Variants in ITPK1 observed in about 807,000 individuals in gnomAD.
ITPK1 encodes inositol 1,3,4-trisphosphate 5/6-kinase.
A neutral mutation model predicts 45.3 loss-of-function variants in ITPK1; 21 were observed. The ratio of observed to expected loss-of-function variants is 0.46; its 90% CI spans 0.33 to 0.67. ITPK1 has a LOEUF of 0.67. Among genes scored for constraint, ITPK1 ranks in the 30% least tolerant of loss-of-function variants. ITPK1 has a pLI of 0.02. For synonymous variants in ITPK1, 258 were observed against 253.6 expected, an observed-to-expected ratio of 1.02 and a Z score of -0.16; for missense variants, 474 against 573.5, an observed-to-expected ratio of 0.83 and a Z score of 1.77.
chr14:93,004,136 C>T (rs1187168353), intron 4 of ITPK1, among the ~76,000 whole-genome samples: 1 of 152,188 alleles, frequency 6.6e-6, no homozygotes, highest in Non-Finnish European at 1.5e-5. Flanking sequence ...GCACGCATCC[C>T]AGTCGCCTGC....
At position 92,941,646 on chromosome 14, in the gene ITPK1, TGGTGCGGCAGCTTGGC is replaced by T; in HGVS notation, c.1144_1159del (p.Ala382ArgfsTer71). 6.5e-7 allele frequency: 1 copy of T among 1,540,688 alleles called. No homozygotes were observed. On this transcript the variant is annotated frameshift_variant, in exon 11 of 11. Transcript: ENST00000267615. LOFTEE classifies it high-confidence loss of function. ...CACGCCGGCGTTGCAGCCGAGTCTCTGGTGCGGCAGCTTGGCGGTGCCGCCCGCGTCGGCCTCAGCC... is the reference window on the plus strand; with the variant it reads ...CACGCCGGCGTTGCAGCCGAGTCTCTGGTGCCGCCCGCGTCGGCCTCAGCC...
rs528150211 is a variant in ITPK1, at chr14:93,006,715, C to A, written c.246+9961G>T. 3.9e-5 allele frequency among the ~76,000 whole-genome samples: 6 copies of A among 152,312 alleles called. No homozygotes were observed. The South Asian group carries it at 1.2e-3, about 32-fold the overall frequency. On this transcript the variant is annotated intron_variant, in intron 4 of 10. Coordinates refer to ENST00000267615, the MANE Select transcript of ITPK1 (RefSeq NM_014216.6). The stretch of plus-strand genomic sequence containing the variant: ...GGGGAAACTGTTGTTCAAGAGCCAG[C>A]AGGAAGACCCATGCAAAACAATGGT...
At chr14:93,092,665 A>C (rs1566781795) in intron 2 of ITPK1, among the ~76,000 whole-genome samples, 1 of 152,366 alleles carries the variant, frequency 6.6e-6, no homozygotes, top group Admixed American at 6.5e-5. Flanking sequence ...GGCATCCAGT[A>C]GGTGGAGGCC....
intron 2 of ITPK1, among the ~76,000 whole-genome samples, chr14:93,112,660 G>T (rs968670318): frequency 1.3e-5 from 2 of 151,940 alleles, no homozygotes; most frequent in Non-Finnish European, 2.9e-5. Context: ...GGATGGTCTC[G>T]ATCTCCTGAC....
At chr14:93,007,573 C>T (rs1253386190) in intron 4 of ITPK1, among the ~76,000 whole-genome samples, 1 of 152,146 alleles carries the variant, frequency 6.6e-6, no homozygotes, top group Admixed American at 6.5e-5. Flanking sequence ...TGACCTAGGC[C>T]AACTGGGTCA....
intron 5 of ITPK1, among the ~76,000 whole-genome samples, chr14:92,989,952 G>A (rs1290040862): frequency 2.0e-5 from 3 of 152,164 alleles, no homozygotes; most frequent in East Asian, 1.9e-4. Context: ...GTCACAGGCC[G>A]AGGCCAAACC....
chr14:93,115,307 T>G lies in ITPK1; in HGVS notation c.-142-2A>C, dbSNP rs1390182086. 7 of 399,114 alleles carry G rather than the reference T, an allele frequency of 1.8e-5. No homozygotes were observed. In the South Asian group the frequency reaches 2.3e-4, roughly 13 times the overall value. 24.7% of individuals were successfully genotyped at this position (399,114 alleles called of 1,614,324 possible). A position where few individuals can be genotyped will look rare whatever the true frequency, so the allele number is the denominator to read the frequency against. ...GGATCGGAGCTGGGGCGCGCAGTCC[T>G]GCCGCGCGGAGCGGAGCGGGGCGGG... On this transcript the variant is annotated splice_acceptor_variant, in intron 1 of 10. Transcript: ENST00000267615. LOFTEE classifies it low-confidence loss of function (5UTR_SPLICE).
chr14:92,991,572 G>GAC (rs1473738883), intron 5 of ITPK1, among the ~76,000 whole-genome samples: 4 of 152,030 alleles, frequency 2.6e-5, no homozygotes, highest in African/African-American at 9.7e-5. Context: ...AGTGAACTAG[G>GAC]ACACACCCTG....
chr14:93,060,944 G>C (rs1890492765), intron 3 of ITPK1, among the ~76,000 whole-genome samples: 1 of 152,212 alleles, frequency 6.6e-6, no homozygotes, highest in Non-Finnish European at 1.5e-5. Context: ...GGGGACACAG[G>C]CTCCACAATG....
chr14:93,023,106 C>G (rs1031655101), intron 3 of ITPK1, among the ~76,000 whole-genome samples: 1 of 152,200 alleles, frequency 6.6e-6, no homozygotes. Flanking sequence ...TCTTGAACTC[C>G]TGATCTCATG....
chr14:93,112,131 C>T (rs1892779673), intron 2 of ITPK1, among the ~76,000 whole-genome samples: 1 of 152,028 alleles, frequency 6.6e-6, no homozygotes, highest in Admixed American at 6.6e-5. Flanking sequence ...ATAGCAGCCA[C>T]CAGACCCCTG....
At position 92,958,528 on chromosome 14, in the gene ITPK1, G is replaced by A. The variant is rs532356734; in HGVS notation, c.505-162C>T. On this transcript the variant is annotated intron_variant, in intron 7 of 10. Coordinates refer to ENST00000267615, the MANE Select transcript of ITPK1 (RefSeq NM_014216.6). This position sits in a 1 kb window ranked among gnomAD's most constrained non-coding sequence, Gnocchi z 4.4. Reference sequence around the variant, plus strand: ...AGCCTTGAGCCAGGGTGAGTGGAGTGGGACTTGTGAAGAACACCTGGGGAT... The same window carrying A: ...AGCCTTGAGCCAGGGTGAGTGGAGTAGGACTTGTGAAGAACACCTGGGGAT... Among the ~76,000 whole-genome samples the A allele has an allele frequency of 1.3e-5, 2 of 152,314 alleles. No homozygotes were observed. The highest frequency in any genetic ancestry group is 2.9e-5 in the Non-Finnish European group (2 of 68,030).
At chr14:93,109,265 C>T (rs1892646703) in intron 2 of ITPK1, among the ~76,000 whole-genome samples, 1 of 152,216 alleles carries the variant, frequency 6.6e-6, no homozygotes, top group African/African-American at 2.4e-5. Flanking sequence ...CTCCAAGACA[C>T]ACAGTCCCAT....
chr14:92,983,919 AG>A (rs1312449916), intron 5 of ITPK1, among the ~76,000 whole-genome samples: 4 of 152,194 alleles, frequency 2.6e-5, no homozygotes, highest in Non-Finnish European at 2.9e-5. Context: ...TGCCAGCAAA[AG>A]GGGCAGACCT....
chr14:93,077,224 T>C (rs1317444953), intron 2 of ITPK1, among the ~76,000 whole-genome samples: 1 of 152,200 alleles, frequency 6.6e-6, no homozygotes, highest in African/African-American at 2.4e-5. Context: ...GTAACCTGAC[T>C]CTTGCCACCC....
chr14:93,029,622 A>C (rs190917448), intron 3 of ITPK1, among the ~76,000 whole-genome samples: 92 of 152,260 alleles, frequency 6.0e-4, no homozygotes, highest in African/African-American at 2.2e-3. Context: ...CCGGCAGGCC[A>C]CAATCTTTGA....
chr14:92,977,507 T>C (rs1013523334), intron 5 of ITPK1, among the ~76,000 whole-genome samples: 1 of 152,236 alleles, frequency 6.6e-6, no homozygotes, highest in African/African-American at 2.4e-5. Context: ...TGGCTCTCTG[T>C]CTGCACCCAA....
chr14:93,086,547 G>A lies in ITPK1; in HGVS notation c.96-9928C>T, dbSNP rs992028405. On this transcript the variant is annotated intron_variant, in intron 2 of 10. Transcript: ENST00000267615. ...TGGGACCAGAGGGGGACCCCAGACC[G>A]CAAACCCTGCCCCGAGATGCTAGCT... Among the ~76,000 whole-genome samples the A allele has an allele frequency of 1.9e-4, 29 of 152,226 alleles. 1 individual carries two copies. Among genetic ancestry groups the A allele is most frequent in the African/African-American group, 5.1e-4 (21 of 41,448 alleles).
At chr14:93,103,099 CAAAAAA>C (rs71123389) in intron 2 of ITPK1, among the ~76,000 whole-genome samples, 1 of 68,884 alleles carries the variant, frequency 1.5e-5, no homozygotes, top group Non-Finnish European at 2.8e-5. Context: ...GACTCCATCT[CAAAAAA>C]AAAAAAAAAA....
Sources: allele counts gnomAD v4.1 joint callset (sites outside exome capture counted in the v4.1 genomes callset), GRCh38; gene constraint gnomAD v4.1.1; non-coding constraint Gnocchi (gnomAD v3.1); transcripts MANE v1.5; gene names NCBI Gene and HGNC (gene_info 2026-07-23, HGNC 2026-07-21).